The following AXIN1 variants were observed in gnomAD, a reference collection of about 807,000 sequenced individuals.
AXIN1 encodes the protein axin 1, also known as axin-1.
AXIN1 carries 30 observed loss-of-function variants against 76.4 expected under a neutral mutation model. The ratio of observed to expected loss-of-function variants is 0.39; its 90% CI spans 0.29 to 0.53. AXIN1 has a LOEUF of 0.53. Among genes scored for constraint, AXIN1 ranks in the 20% least tolerant of loss-of-function variants. AXIN1 has a pLI of 0.66. For missense variants in AXIN1, 1,140 were observed against 1,198.8 expected (o/e 0.95, Z 0.72); for synonymous variants, 545 against 501.4 (o/e 1.09, Z -1.16).
At chr16:343,899 G>A (rs958321039) in intron 2 of AXIN1, among the ~76,000 whole-genome samples, 3 of 151,202 alleles carry the variant, frequency 2.0e-5, no homozygotes, top group African/African-American at 4.9e-5. Context: ...CCAGCTACTC[G>A]GGAGGCAGGA....
chr16:290,393 C>T (rs936558399), intron 9 of AXIN1: 25 of 155,502 alleles, frequency 1.6e-4, no homozygotes, highest in Non-Finnish European at 2.6e-4. Flanking sequence ...CAGCCACGTG[C>T]GCTCTTAGAC....
chr16:319,691 T>A (rs2053395544), intron 2 of AXIN1, among the ~76,000 whole-genome samples: 1 of 152,224 alleles, frequency 6.6e-6, no homozygotes, highest in African/African-American at 2.4e-5. Context: ...TGCTCCCACA[T>A]CCAGCATGGC....
At chr16:340,706 C>T (rs1165651933) in intron 2 of AXIN1, among the ~76,000 whole-genome samples, 5 of 152,298 alleles carry the variant, frequency 3.3e-5, no homozygotes, top group East Asian at 1.9e-4. Context: ...AGAGGCAGAG[C>T]GGGGGAGCCA....
chr16:333,614 C>A (rs1035289046), intron 2 of AXIN1, among the ~76,000 whole-genome samples: 3 of 151,938 alleles, frequency 2.0e-5, no homozygotes, highest in African/African-American at 7.3e-5. Context: ...CCATCCACAC[C>A]GTATGAAGAG....
intron 2 of AXIN1, among the ~76,000 whole-genome samples, chr16:316,211 T>C (rs1423574218): frequency 6.6e-6 from 1 of 152,134 alleles, no homozygotes; most frequent in East Asian, 1.9e-4. Context: ...TCACCTGAAA[T>C]GTGTGTATAC....
intron 4 of AXIN1, among the ~76,000 whole-genome samples, chr16:309,199 A>G (rs1369287399): frequency 2.0e-5 from 3 of 151,974 alleles, no homozygotes; most frequent in Non-Finnish European, 4.4e-5. Flanking sequence ...GCGTGGTGGC[A>G]GGCGCCTGTA....
At position 287,664 on chromosome 16, in the gene AXIN1, C is replaced by G; in HGVS notation, c.*458G>C. ...CGTCGCCGATTCACACAGTGGCAGG[C>G]AAGAGACAAGCTGTGTTGAAGGCAC... On this transcript the variant is annotated 3_prime_UTR_variant, in exon 11 of 11. Transcript: ENST00000262320. The G allele has an allele frequency of 3.1e-6, 1 of 321,300 alleles. No individual in the cohort carries two copies. The highest frequency in any genetic ancestry group is 5.9e-6 in the Non-Finnish European group (1 of 170,930). The allele number at this position is 321,300 out of a possible 1,614,324, so 19.9% of individuals were successfully genotyped here.
At chr16:325,007 C>G (rs1420795258) in intron 2 of AXIN1, among the ~76,000 whole-genome samples, 1 of 152,316 alleles carries the variant, frequency 6.6e-6, no homozygotes, top group African/African-American at 2.4e-5. Flanking sequence ...GCTCAGCGGA[C>G]CCGCACAGAA....
In AXIN1 at chr16:292,218, C is replaced by T. The variant is rs148706947; in HGVS notation, c.2187-921G>A. ...CACGGCTCATCTGCCAGCCCAGTCA[C>T]ACGCCCCGGCTCCGAGCACCACACT... On this transcript the variant is annotated intron_variant, in intron 8 of 10. Transcript: ENST00000262320. 955 of 152,496 alleles carry T rather than the reference C, an allele frequency of 6.3e-3. 4 individuals are homozygous for T. The highest frequency in any genetic ancestry group is 0.012 in the Admixed American group (187 of 15,308). 9.4% of individuals were successfully genotyped at this position (152,496 alleles called of 1,614,324 possible).
intron 2 of AXIN1, among the ~76,000 whole-genome samples, chr16:343,256 C>A (rs146412568): frequency 6.6e-6 from 1 of 152,312 alleles, no homozygotes; most frequent in Admixed American, 6.5e-5. Context: ...ATTACAAATA[C>A]AGCAAACCAA....
At chr16:324,275 T>TG (rs1487167311) in intron 2 of AXIN1, among the ~76,000 whole-genome samples, 1 of 149,522 alleles carries the variant, frequency 6.7e-6, no homozygotes, top group Non-Finnish European at 1.5e-5. Context: ...TGCCATGGCA[T>TG]GGGGGCTACA....
chr16:302,129 C>G (rs2052889599), intron 5 of AXIN1, among the ~76,000 whole-genome samples: 1 of 152,246 alleles, frequency 6.6e-6, no homozygotes, highest in Non-Finnish European at 1.5e-5. Flanking sequence ...CAGTGACCAC[C>G]AGGTCTGCAA....
intron 1 of AXIN1, among the ~76,000 whole-genome samples, chr16:350,117 A>G (rs2054112855): frequency 6.6e-6 from 1 of 152,210 alleles, no homozygotes; most frequent in Non-Finnish European, 1.5e-5. Flanking sequence ...GTGTGAACCA[A>G]ATTTTCAGAG....
chr16:297,535 C>A (rs1197696225), intron 6 of AXIN1, among the ~76,000 whole-genome samples, 187 bp downstream of exon 6: 1 of 152,156 alleles, frequency 6.6e-6, no homozygotes, highest in Non-Finnish European at 1.5e-5. Context: ...CCCTAACCTT[C>A]ATCTCCCACC....
At chr16:292,954 A>G (rs7206515) in intron 8 of AXIN1, 3,229 of 138,100 alleles carry the variant, frequency 0.023, 95 homozygotes, top group African/African-American at 0.11. Flanking sequence ...TGGGCTGGAC[A>G]TCCAGGATGA....
Position 346,965 on chromosome 16 carries a change from G to T in AXIN1, c.61C>A (p.Pro21Thr), listed in dbSNP as rs2054046975. The T allele has an allele frequency of 2.5e-6, 4 of 1,614,230 alleles. No individual in the cohort carries two copies. The East Asian group carries it at 8.9e-5, about 36-fold the overall frequency. Residue 21 changes from proline (P) to threonine (T), a missense_variant, in exon 2 of 11, where the codon CCC becomes ACC. This residue lies in a region of AXIN1 where 708 missense variants were observed against 776.9 expected (regional missense o/e 0.91). Coordinates refer to ENST00000262320, the MANE Select transcript of AXIN1 (RefSeq NM_003502.4). ...DLGASFTEDA[P>T]RPPVPGEEGE... ...TCCTCACCAGGCACTGGGGGTCGGG[G>T]AGCATCTTCGGTGAAACTTGCTCCG...
chr16:298,336 GC>G, intron 5 of AXIN1, 85 bp from the exon 6 acceptor site: 1 of 1,525,788 alleles, frequency 6.6e-7, no homozygotes, highest in Non-Finnish European at 8.8e-7. Flanking sequence ...TGACCCAGCA[GC>G]CCCAGCAGAT....
intron 2 of AXIN1, among the ~76,000 whole-genome samples, chr16:327,593 G>A (rs2053610509): frequency 6.6e-6 from 1 of 152,222 alleles, no homozygotes; most frequent in Non-Finnish European, 1.5e-5. Context: ...TGTTTCTGCA[G>A]ACTGTCCACA....
At position 339,323 on chromosome 16, in the gene AXIN1, G is replaced by A. The variant is rs1253916856; in HGVS notation, c.878+6825C>T. Among the ~76,000 whole-genome samples the A allele has an allele frequency of 9.4e-5, 14 of 148,180 alleles. 1 individual carries two copies. In the East Asian group the frequency reaches 2.8e-3, roughly 29 times the overall value. Reference sequence around the variant, plus strand: ...TCGAGACCATCCTGGCTAACAAGGTGAAACCCCGTCTCTACTAAAAATACA... The same window carrying A: ...TCGAGACCATCCTGGCTAACAAGGTAAAACCCCGTCTCTACTAAAAATACA... On this transcript the variant is annotated intron_variant, in intron 2 of 10. Coordinates refer to ENST00000262320, the MANE Select transcript of AXIN1 (RefSeq NM_003502.4).
Sources: allele counts gnomAD v4.1 joint callset (sites outside exome capture counted in the v4.1 genomes callset), GRCh38; gene constraint gnomAD v4.1.1; regional missense constraint gnomAD v4.1.1; transcripts MANE v1.5; gene names NCBI Gene and HGNC (gene_info 2026-07-23, HGNC 2026-07-21).